The following KCTD1 variants were observed in gnomAD, a reference collection of about 807,000 sequenced individuals.
KCTD1 encodes BTB/POZ domain-containing protein KCTD1.
In KCTD1, 24 loss-of-function variants were observed where a neutral mutation model predicts 66.0. The ratio of observed to expected loss-of-function variants is 0.36; its 90% confidence interval spans 0.26 to 0.51. KCTD1 has a LOEUF of 0.51. Ranked by LOEUF, KCTD1 falls within the 20% of genes least tolerant of loss-of-function variation. The pLI, the probability that KCTD1 is intolerant of heterozygous loss-of-function variation, is 0.95. For missense variants in KCTD1, 943 were observed against 1,205.2 expected (o/e 0.78, Z 3.22); for synonymous variants, 511 against 517.2 (o/e 0.99, Z 0.16).
chr18:26,500,814 T>C (rs143590333), intron 2 of KCTD1, among the ~76,000 whole-genome samples: 56 of 152,318 alleles, frequency 3.7e-4, no homozygotes, highest in African/African-American at 1.3e-3. Context: ...ATGAATATCA[T>C]TGTAGAGCAA....
chr18:26,574,852 T>C (rs1986188299), intron 1 of KCTD1, among the ~76,000 whole-genome samples: 2 of 152,162 alleles, frequency 1.3e-5, no homozygotes, highest in Non-Finnish European at 2.9e-5. Flanking sequence ...GATAAAACTG[T>C]TTCTCCTGGG....
At chr18:26,589,713 C>G (rs1986552940) in intron 1 of KCTD1, among the ~76,000 whole-genome samples, 1 of 152,258 alleles carries the variant, frequency 6.6e-6, no homozygotes, top group Non-Finnish European at 1.5e-5. Context: ...AGGTTAGACC[C>G]CTCCCTAGCC....
At chr18:26,647,554 A>AAAAAAAAAAAT in intron 1 of KCTD1, among the ~76,000 whole-genome samples, 1 of 141,336 alleles carries the variant, frequency 7.1e-6, no homozygotes, top group African/African-American at 2.7e-5. Context: ...AAAAAAAAAA[A>AAAAAAAAAAAT]GGGCTGAATT....
chr18:26,528,872 G>A (rs757572952), intron 1 of KCTD1, among the ~76,000 whole-genome samples: 5 of 151,998 alleles, frequency 3.3e-5, no homozygotes, highest in South Asian at 4.1e-4. Context: ...CACTTTTTTT[G>A]CTTTGCCTCC....
Position 26,540,756 on chromosome 18 carries a change from C to A in KCTD1, c.1809+5972G>T, listed in dbSNP as rs577529973. On this transcript the variant is annotated intron_variant, in intron 1 of 4. Transcript: ENST00000580059. Reference sequence around the variant, plus strand: ...GAATACAGATGATACATAAAGCACACAAAATATGTGTTAATCAACTGTTTA... The same window carrying A: ...GAATACAGATGATACATAAAGCACAAAAAATATGTGTTAATCAACTGTTTA... Among the ~76,000 whole-genome samples, 349 of 152,290 alleles carry A rather than the reference C, an allele frequency of 2.3e-3. 1 individual carries two copies. Among genetic ancestry groups the A allele is most frequent in the Middle Eastern group, 6.8e-3 (2 of 294 alleles).
chr18:26,526,013 T>G (rs2144760381), intron 1 of KCTD1, among the ~76,000 whole-genome samples: 1 of 152,222 alleles, frequency 6.6e-6, no homozygotes, highest in African/African-American at 2.4e-5. Context: ...ACACAGCCCC[T>G]GTAGTAGGTG....
chr18:26,620,382 A>C (rs1283470325), intron 1 of KCTD1, among the ~76,000 whole-genome samples: 2 of 123,860 alleles, frequency 1.6e-5, no homozygotes, highest in Non-Finnish European at 3.5e-5. Flanking sequence ...AAAAAAAAAA[A>C]AAACTATAAC....
chr18:26,495,748 C>T (rs1220884485), intron 2 of KCTD1, among the ~76,000 whole-genome samples: 3 of 152,140 alleles, frequency 2.0e-5, no homozygotes, highest in African/African-American at 4.8e-5. Flanking sequence ...ACCTCTAGGT[C>T]ATTGGTTGAC....
chr18:26,601,347 A>AAAAAAAAAAAAAAATTAAAAAT, intron 1 of KCTD1, among the ~76,000 whole-genome samples: 1 of 151,044 alleles, frequency 6.6e-6, no homozygotes, highest in African/African-American at 2.4e-5. Flanking sequence ...AAAAAAAAAA[A>AAAAAAAAAAAAAAATTAAAAAT]AAGAAAGAAA....
chr18:26,572,761 G>A (rs1381907709), intron 1 of KCTD1, among the ~76,000 whole-genome samples: 1 of 152,170 alleles, frequency 6.6e-6, no homozygotes, highest in Non-Finnish European at 1.5e-5. Context: ...AAATAAATTA[G>A]ACCATGAGCT....
At chr18:26,555,351 G>T (rs867319210) in intron 1 of KCTD1, among the ~76,000 whole-genome samples, 3 of 152,094 alleles carry the variant, frequency 2.0e-5, no homozygotes, top group South Asian at 2.1e-4. Flanking sequence ...CTTGAACCTG[G>T]GAGGCGAAGG....
rs182814934 is a variant in KCTD1, at chr18:26,524,313, C to A, written c.1809+22415G>T. Among the ~76,000 whole-genome samples, 7 of 152,266 alleles carry A rather than the reference C, an allele frequency of 4.6e-5. No homozygotes were observed. In the East Asian group the frequency reaches 1.4e-3, roughly 29 times the overall value. On this transcript the variant is annotated intron_variant, in intron 1 of 4. Coordinates refer to ENST00000580059, the MANE Select transcript of KCTD1 (RefSeq NM_001142730.3). ...CAGCGCTCACAGGCTCCATCACTATCCAGCTTTAGTGAGACAGAGAAAGAG... is the reference window on the plus strand; with the variant it reads ...CAGCGCTCACAGGCTCCATCACTATACAGCTTTAGTGAGACAGAGAAAGAG...
upstream of KCTD1, among the ~76,000 whole-genome samples, chr18:26,642,942 C>T (rs979362544): frequency 8.6e-5 from 13 of 151,850 alleles, no homozygotes; most frequent in African/African-American, 1.7e-4. Context: ...CGTGCACTGG[C>T]GTGAGGGGAG....
chr18:26,534,201 G>C (rs1253231022), intron 1 of KCTD1, among the ~76,000 whole-genome samples: 1 of 151,760 alleles, frequency 6.6e-6, no homozygotes, highest in African/African-American at 2.4e-5. Context: ...AATCTACTTA[G>C]AGTTTGTTCA....
At chr18:26,481,165 TA>T (rs748117600) in intron 2 of KCTD1, among the ~76,000 whole-genome samples, 43 of 152,268 alleles carry the variant, frequency 2.8e-4, no homozygotes, top group Non-Finnish European at 5.0e-4. Context: ...CAGTAGTAAA[TA>T]AGCCACAGTC....
At chr18:26,651,585 A>G (rs1348250965) in intron 1 of KCTD1, among the ~76,000 whole-genome samples, 2 of 152,014 alleles carry the variant, frequency 1.3e-5, no homozygotes, top group African/African-American at 2.4e-5. Context: ...GGAGTTCGAG[A>G]CCAGCTTGGC....
chr18:26,536,161 G>A (rs1003266390), intron 1 of KCTD1, among the ~76,000 whole-genome samples: 9 of 152,134 alleles, frequency 5.9e-5, no homozygotes, highest in African/African-American at 2.2e-4. Context: ...ACAGACCTGA[G>A]AGGTGAATGA....
chr18:26,456,044 G>C, intron 4 of KCTD1, 143 bp from the exon 5 acceptor site: 1 of 720,002 alleles, frequency 1.4e-6, no homozygotes, highest in Non-Finnish European at 2.2e-6. Context: ...CTCAAAGGAA[G>C]ACCCTGGATT....
At chr18:26,505,977 G>A (rs891599941) in intron 1 of KCTD1, among the ~76,000 whole-genome samples, 6 of 152,070 alleles carry the variant, frequency 3.9e-5, no homozygotes, top group Non-Finnish European at 8.8e-5. Flanking sequence ...CCAGGTTCAA[G>A]CAATTTTCAT....
Sources: allele counts gnomAD v4.1 joint callset (sites outside exome capture counted in the v4.1 genomes callset), GRCh38; gene constraint gnomAD v4.1.1; transcripts MANE v1.5; gene names NCBI Gene and HGNC (gene_info 2026-07-23, HGNC 2026-07-21).